AGAP1: variants seen among roughly 807,000 people sequenced by gnomAD.
AGAP1 encodes the protein arf-GAP with GTPase, ANK repeat and PH domain-containing protein 1.
Under a neutral mutation model 105.3 loss-of-function variants are expected in AGAP1, and 29 were observed. The observed-to-expected ratio is 0.28, with a 90% CI of 0.21 to 0.38. AGAP1 has a LOEUF of 0.38. AGAP1 is among the 10% of genes least tolerant of loss of function. AGAP1 has a pLI of 1.00. For synonymous variants in AGAP1, 509 were observed against 485.9 expected, an observed-to-expected ratio of 1.05 and a Z score of -0.63; for missense variants, 998 against 1,165.1, an observed-to-expected ratio of 0.86 and a Z score of 2.09.
At chr2:235,668,597 A>G (rs1283656893) in intron 1 of AGAP1, among the ~76,000 whole-genome samples, 2 of 152,232 alleles carry the variant, frequency 1.3e-5, no homozygotes, top group African/African-American at 4.8e-5. Context: ...AAACTCTGAA[A>G]CAATACATCT....
rs1200186671 is a variant in AGAP1 at position 235,971,183 on chromosome 2, A to C, written c.1645+2560A>C. On this transcript the variant is annotated intron_variant, in intron 13 of 17. Coordinates refer to ENST00000304032, the MANE Select transcript of AGAP1 (RefSeq NM_001037131.3). This position sits in a 1 kb window ranked among gnomAD's most constrained non-coding sequence, Gnocchi z 4.8. ...AAGTCATAAGTTATTTATAAAAAGA[A>C]AATGTATCATTTTTCCCTAGGAAAA... Among the ~76,000 whole-genome samples the C allele has an allele frequency of 6.6e-6, 1 of 152,232 alleles. No homozygotes were observed. Among genetic ancestry groups the C allele is most frequent in the African/African-American group, 2.4e-5 (1 of 41,458 alleles).
chr2:235,710,582 G>A (rs183094739), intron 2 of AGAP1, among the ~76,000 whole-genome samples: 11 of 152,344 alleles, frequency 7.2e-5, no homozygotes, highest in Admixed American at 1.3e-4. Context: ...CAGTCCTAGT[G>A]CTGTCTCAGA....
intron 13 of AGAP1, among the ~76,000 whole-genome samples, chr2:236,019,880 C>T (rs544448275): frequency 7.9e-5 from 12 of 152,386 alleles, no homozygotes; most frequent in Admixed American, 5.9e-4. Context: ...CCAAATGCCC[C>T]GGCAGTCTCC....
At position 236,005,961 on chromosome 2, in the gene AGAP1, C is replaced by G. The variant is rs1389535712; in HGVS notation, c.1646-30600C>G. 1.3e-5 allele frequency among the ~76,000 whole-genome samples: 2 copies of G among 152,170 alleles called. No homozygotes were observed. The highest frequency in any genetic ancestry group is 6.5e-5 in the Admixed American group (1 of 15,280). Reference sequence around the variant, plus strand: ...ACTTTTGGAAGGAAGTCACTGTGCACTTAAGGAGTTGGGCGTTAGACCCCC... The same window carrying G: ...ACTTTTGGAAGGAAGTCACTGTGCAGTTAAGGAGTTGGGCGTTAGACCCCC... On this transcript the variant is annotated intron_variant, in intron 13 of 17. Transcript: ENST00000304032. This position sits in a 1 kb window ranked among gnomAD's most constrained non-coding sequence, Gnocchi z 4.1.
At chr2:235,743,839 G>C (rs1040827623) in intron 4 of AGAP1, among the ~76,000 whole-genome samples, 3 of 152,218 alleles carry the variant, frequency 2.0e-5, no homozygotes, top group African/African-American at 7.2e-5. Context: ...TTGCCAGATA[G>C]AGCTGATGTC....
In AGAP1 at chr2:236,090,808, T is replaced by A. The variant is rs1397448302; in HGVS notation, c.2115-29384T>A. Among the ~76,000 whole-genome samples the A allele has an allele frequency of 6.6e-6, 1 of 152,210 alleles. No homozygotes were observed. The highest frequency in any genetic ancestry group is 2.4e-5 in the African/African-American group (1 of 41,458). The stretch of plus-strand genomic sequence containing the variant: ...AGCCTGGAGTGCAGTGGCACGATCT[T>A]GGCTCACTGCAACCCCCGCCTCCCA... On this transcript the variant is annotated intron_variant, in intron 16 of 17. Transcript: ENST00000304032. The surrounding 1 kb of genome is among the most constrained non-coding windows in gnomAD (Gnocchi z 4.3).
At chr2:235,503,180 T>G (rs1482155271) in intron 1 of AGAP1, among the ~76,000 whole-genome samples, 1 of 152,206 alleles carries the variant, frequency 6.6e-6, no homozygotes, top group African/African-American at 2.4e-5. Context: ...GGCTAGCTTA[T>G]GTAATGAAAA....
rs1421053489 is a variant in AGAP1, at chr2:235,574,004, C to T, written c.163+79155C>T. Among the ~76,000 whole-genome samples the T allele has an allele frequency of 2.0e-5, 3 of 152,214 alleles. No homozygotes were observed. The highest frequency in any genetic ancestry group is 7.2e-5 in the African/African-American group (3 of 41,456). On this transcript the variant is annotated intron_variant, in intron 1 of 17. Coordinates refer to ENST00000304032, the MANE Select transcript of AGAP1 (RefSeq NM_001037131.3). The surrounding 1 kb of genome is among the most constrained non-coding windows in gnomAD (Gnocchi z 5.0). ...TTGACCCCTCCCTTCCTGTGTTGGC[C>T]AGGAGCCCACTGGCTTCACCAGACC...
At position 236,027,867 on chromosome 2, in the gene AGAP1, C is replaced by T. The variant is rs913159462; in HGVS notation, c.1646-8694C>T. ...AGGGCCTTTGTGCATGCTACATACA[C>T]GTCAGAGACAGACCATACCCAAGGA... On this transcript the variant is annotated intron_variant, in intron 13 of 17. Transcript: ENST00000304032. This position sits in a 1 kb window ranked among gnomAD's most constrained non-coding sequence, Gnocchi z 4.4. 5.3e-5 allele frequency among the ~76,000 whole-genome samples: 8 copies of T among 152,174 alleles called. No homozygotes were observed. The highest frequency in any genetic ancestry group is 1.9e-4 in the East Asian group (1 of 5,194).
intron 1 of AGAP1, among the ~76,000 whole-genome samples, chr2:235,567,820 G>T (rs1417647231): frequency 1.3e-5 from 2 of 152,042 alleles, no homozygotes; most frequent in Non-Finnish European, 2.9e-5. Flanking sequence ...GGGGAAGTGG[G>T]AGAGGAGAGA....
chr2:235,571,998 ACACACTT>A (rs1559257405), intron 1 of AGAP1, among the ~76,000 whole-genome samples: 1 of 121,466 alleles, frequency 8.2e-6, no homozygotes, highest in East Asian at 2.4e-4. Context: ...ACACACACAC[ACACACTT>A]TTTTTTTTTT....
At chr2:235,590,763 C>T (rs897930038) in intron 1 of AGAP1, among the ~76,000 whole-genome samples, 3 of 136,958 alleles carry the variant, frequency 2.2e-5, no homozygotes, top group South Asian at 5.0e-4. Flanking sequence ...CTCTGTCGCC[C>T]AGGCTGGAGT....
chr2:235,648,328 C>T (rs1220818021), intron 1 of AGAP1, among the ~76,000 whole-genome samples: 1 of 152,190 alleles, frequency 6.6e-6, no homozygotes, highest in Non-Finnish European at 1.5e-5. Context: ...GTCCCTGCAA[C>T]AGGCTCTGCG....
At chr2:235,657,351 A>C (rs567077825) in intron 1 of AGAP1, among the ~76,000 whole-genome samples, 1 of 152,226 alleles carries the variant, frequency 6.6e-6, no homozygotes, top group South Asian at 2.1e-4. Flanking sequence ...GAATCTTCCC[A>C]TTACTTTAAG....
chr2:235,907,499 A>G (rs984485371), intron 10 of AGAP1, among the ~76,000 whole-genome samples: 1 of 152,220 alleles, frequency 6.6e-6, no homozygotes, highest in African/African-American at 2.4e-5. Flanking sequence ...CTTTTAACAA[A>G]GACAAATTTA....
rs1574979976 is a variant in AGAP1 at position 235,621,357 on chromosome 2, T to A, written c.164-87822T>A. ...ATTTCATTGTGCCTTGGTTTCTTCA[T>A]ATGTTTCAATAAAATGGGTATGTTA... On this transcript the variant is annotated intron_variant, in intron 1 of 17. Transcript: ENST00000304032. This position sits in a 1 kb window ranked among gnomAD's most constrained non-coding sequence, Gnocchi z 4.1. 1.3e-5 allele frequency among the ~76,000 whole-genome samples: 2 copies of A among 152,322 alleles called. No homozygotes were observed. The highest frequency in any genetic ancestry group is 2.1e-4 in the South Asian group (1 of 4,824).
intron 12 of AGAP1, among the ~76,000 whole-genome samples, chr2:235,952,122 T>C (rs77745393): frequency 0.017 from 2,552 of 152,300 alleles, 78 homozygotes; most frequent in African/African-American, 0.058. Flanking sequence ...AGCTTCCTTA[T>C]TGACGTGAAT....
rs1038692779 is a variant in AGAP1, at chr2:235,691,795, G to A, written c.164-17384G>A. On this transcript the variant is annotated intron_variant, in intron 1 of 17. Transcript: ENST00000304032. This position sits in a 1 kb window ranked among gnomAD's most constrained non-coding sequence, Gnocchi z 4.4. ...CATGTTGACCCCTGCACTCCTGCCC[G>A]CCCCCCATTCACCCACTAGGAGAAA... Among the ~76,000 whole-genome samples the A allele has an allele frequency of 1.3e-5, 2 of 152,062 alleles. No homozygotes were observed. Among genetic ancestry groups the A allele is most frequent in the Admixed American group, 6.5e-5 (1 of 15,274 alleles).
chr2:235,864,796 G>T lies in AGAP1; in HGVS notation c.1051-18549G>T, dbSNP rs1221321927. ...CTTTTCTTTCCTTTGGATGGAGGAG[G>T]TTTGGTTTGGTCTTAGTACCCCAGC... is the stretch of plus-strand genomic sequence containing the variant. On this transcript the variant is annotated intron_variant, in intron 9 of 17. Transcript: ENST00000304032. The surrounding 1 kb of genome is among the most constrained non-coding windows in gnomAD (Gnocchi z 5.0). Among the ~76,000 whole-genome samples the T allele has an allele frequency of 6.6e-6, 1 of 152,190 alleles. No homozygotes were observed. Among genetic ancestry groups the T allele is most frequent in the African/African-American group, 2.4e-5 (1 of 41,452 alleles).
Sources: gnomAD v4.1 joint callset for allele counts (sites outside exome capture counted in the v4.1 genomes callset) on GRCh38, gnomAD v4.1.1 for gene constraint, Gnocchi (gnomAD v3.1) non-coding constraint, MANE v1.5 for transcripts, NCBI Gene and HGNC (gene_info 2026-07-23, HGNC 2026-07-21) for gene names.